The following MYO16 variants were observed in gnomAD, a reference collection of about 807,000 sequenced individuals.
The protein encoded by MYO16 is unconventional myosin-XVI.
MYO16 carries 94 observed loss-of-function variants against 205.3 expected under a neutral mutation model. The ratio of observed to expected loss-of-function variants is 0.46; its 90% CI spans 0.39 to 0.54. The LOEUF (loss-of-function observed/expected upper bound fraction) is 0.54, where lower values mean the gene tolerates loss of function less well. Among genes scored for constraint, MYO16 ranks in the 20% least tolerant of loss-of-function variants. The pLI, the probability that MYO16 is intolerant of heterozygous loss-of-function variation, is 0.00. For synonymous variants in MYO16, 988 were observed against 954.0 expected (o/e 1.04, Z -0.66); for missense variants, 2,315 against 2,387.5 (o/e 0.97, Z 0.63).
intron 1 of MYO16, among the ~76,000 whole-genome samples, chr13:108,610,976 A>G (rs1270221087): frequency 2.0e-5 from 3 of 152,232 alleles, no homozygotes; most frequent in Admixed American, 1.3e-4. Context: ...AGATGACAGG[A>G]AAGTCTTCAG....
At chr13:108,539,303 C>T in the MYO16 span, among the ~76,000 whole-genome samples, 2 of 152,100 alleles carry the variant, frequency 1.3e-5, no homozygotes, top group African/African-American at 4.8e-5. Flanking sequence ...AAGAACTCCT[C>T]ACCACTGTAC....
At chr13:108,532,662 G>A in the MYO16 span, among the ~76,000 whole-genome samples, 2 of 151,780 alleles carry the variant, frequency 1.3e-5, no homozygotes, top group South Asian at 2.1e-4. Context: ...ATGGTGGCAC[G>A]TGTCTGTGGT....
At chr13:108,609,316 T>C (rs1365629545) in intron 1 of MYO16, among the ~76,000 whole-genome samples, 2 of 152,076 alleles carry the variant, frequency 1.3e-5, no homozygotes, top group African/African-American at 4.8e-5. Context: ...CAAAGGGGGC[T>C]TCGGAAAAAG....
At chr13:109,038,065 G>T (rs766888894) in intron 23 of MYO16, among the ~76,000 whole-genome samples, 8 of 152,210 alleles carry the variant, frequency 5.3e-5, no homozygotes, top group Non-Finnish European at 1.2e-4. Flanking sequence ...TAGGCAAAAT[G>T]TACATATTTC....
intron 15 of MYO16, among the ~76,000 whole-genome samples, chr13:108,900,444 G>A (rs552462365): frequency 1.9e-4 from 29 of 152,298 alleles, no homozygotes; most frequent in African/African-American, 7.0e-4. Context: ...CCCGAACGGA[G>A]GGACCAGCTG....
intron 1 of MYO16, among the ~76,000 whole-genome samples, chr13:108,621,178 T>C (rs1879528291): frequency 6.6e-6 from 1 of 152,152 alleles, no homozygotes; most frequent in South Asian, 2.1e-4. Context: ...CATAATGCCA[T>C]GCATTTTCTA....
At chr13:108,572,776 A>G in the MYO16 span, among the ~76,000 whole-genome samples, 12 of 152,302 alleles carry the variant, frequency 7.9e-5, 1 homozygote, top group Middle Eastern at 0.01. Flanking sequence ...CTATCGGTAT[A>G]TTTGAAAATA....
intron 16 of MYO16, among the ~76,000 whole-genome samples, chr13:108,946,599 A>G (rs1465639422): frequency 8.5e-5 from 13 of 152,242 alleles, no homozygotes; most frequent in Admixed American, 8.5e-4. Context: ...AGTTCATGAC[A>G]TTTAATTTTT....
In MYO16 at chr13:108,800,284, T is replaced by C. The variant is rs978357303; in HGVS notation, c.742-6395T>C. Reference sequence around the variant, plus strand: ...TGTGTCCACCAAACTACTCAGGATATGTAGCTTCTCAGAGTGGTCTCTACA... The same window carrying C: ...TGTGTCCACCAAACTACTCAGGATACGTAGCTTCTCAGAGTGGTCTCTACA... On this transcript the variant is annotated intron_variant, in intron 6 of 34. Transcript: ENST00000457511. Among the ~76,000 whole-genome samples, 57 of 152,216 alleles carry C rather than the reference T, an allele frequency of 3.7e-4. 1 individual carries two copies. The highest frequency in any genetic ancestry group is 1.3e-3 in the African/African-American group (55 of 41,452).
chr13:109,066,744 A>G (rs1274742306), intron 27 of MYO16, among the ~76,000 whole-genome samples: 1 of 152,176 alleles, frequency 6.6e-6, no homozygotes, highest in Non-Finnish European at 1.5e-5. Context: ...GGTTGACAGT[A>G]TTTAAACTAA....
At chr13:108,611,861 A>C (rs1879181773) in intron 1 of MYO16, among the ~76,000 whole-genome samples, 1 of 152,148 alleles carries the variant, frequency 6.6e-6, no homozygotes, top group East Asian at 1.9e-4. Context: ...ATTTTTAAAA[A>C]TAGGCAAGGA....
intron 16 of MYO16, among the ~76,000 whole-genome samples, chr13:108,927,361 A>T (rs1407429124): frequency 4.6e-5 from 7 of 152,152 alleles, no homozygotes; most frequent in Admixed American, 2.0e-4. Flanking sequence ...GGCGAGTGTC[A>T]TACCTCTGAG....
At chr13:108,604,161 A>T (rs999815083) in intron 1 of MYO16, among the ~76,000 whole-genome samples, 5 of 152,172 alleles carry the variant, frequency 3.3e-5, no homozygotes, top group African/African-American at 1.2e-4. Flanking sequence ...TACCCCCATG[A>T]TTAATCACCC....
At chr13:108,902,723 CCTCTTCTCTT>C (rs574423866) in intron 15 of MYO16, among the ~76,000 whole-genome samples, 2 of 152,240 alleles carry the variant, frequency 1.3e-5, no homozygotes, top group Non-Finnish European at 2.9e-5. Flanking sequence ...TCTCCCTGTG[CCTCTTCTCTT>C]CTCCAAAGGA....
the MYO16 span, among the ~76,000 whole-genome samples, chr13:108,555,495 C>T: frequency 6.6e-6 from 1 of 151,982 alleles, no homozygotes; most frequent in African/African-American, 2.4e-5. Flanking sequence ...TTCTGTTTTT[C>T]GTTGATGAGA....
the MYO16 span, among the ~76,000 whole-genome samples, chr13:108,532,784 C>T: frequency 6.6e-6 from 1 of 152,030 alleles, no homozygotes; most frequent in African/African-American, 2.4e-5. Flanking sequence ...GAGCAAGGCC[C>T]TGTATCAAAA....
chr13:109,089,504 C>T (rs939509508), intron 27 of MYO16, among the ~76,000 whole-genome samples: 2 of 152,056 alleles, frequency 1.3e-5, no homozygotes, highest in Non-Finnish European at 2.9e-5. Context: ...CATGAGCCAC[C>T]GCACCTGGCT....
intron 23 of MYO16, among the ~76,000 whole-genome samples, chr13:109,038,181 G>A (rs1479345078): frequency 1.3e-5 from 2 of 152,186 alleles, no homozygotes; most frequent in Admixed American, 1.3e-4. Flanking sequence ...AGGTTGTGAT[G>A]ATTAACTTAT....
upstream of MYO16, among the ~76,000 whole-genome samples, chr13:108,627,634 G>A (rs1435818419): frequency 2.6e-5 from 4 of 152,080 alleles, no homozygotes; most frequent in Admixed American, 2.6e-4. Flanking sequence ...TAATTCTCAC[G>A]GGGTACCTTG....
Sources: allele counts gnomAD v4.1 joint callset (sites outside exome capture counted in the v4.1 genomes callset), GRCh38; gene constraint gnomAD v4.1.1; transcripts MANE v1.5; gene names NCBI Gene and HGNC (gene_info 2026-07-23, HGNC 2026-07-21).